The following CASKIN1 variants were observed in gnomAD, a reference collection of about 807,000 sequenced individuals.
The protein encoded by CASKIN1 is caskin-1.
Under a neutral mutation model 117.5 loss-of-function variants are expected in CASKIN1, and 42 were observed. The ratio of observed to expected loss-of-function variants is 0.36; its 90% CI spans 0.28 to 0.46. The LOEUF is 0.46. Among genes scored for constraint, CASKIN1 ranks in the 20% least tolerant of loss-of-function variants. CASKIN1 has a pLI of 1.00. For synonymous variants in CASKIN1, 1,148 were observed against 961.7 expected, an observed-to-expected ratio of 1.19 and a Z score of -3.59; for missense variants, 2,083 against 2,077.3, an observed-to-expected ratio of 1.00 and a Z score of -0.05.
rs1319409890 is a variant in CASKIN1 at position 2,185,030 on chromosome 16, C to T, written c.1245G>A (p.Leu415=). The change falls in exon 13 of 20, where the codon CTG becomes CTA. Residue 415 remains leucine (L), a synonymous_variant. Transcript: ENST00000343516. ...CGGACTTCTGGGAAAGCACCGTTGC[C>T]AGGAGCTGCAACCCAGAAACCCCGG... The part of the protein sequence containing the change: ...LHAGSEGVKL[L]ATVLSQKSVS... 6.2e-7 allele frequency: 1 copy of T among 1,608,770 alleles called. No homozygotes were observed. Among genetic ancestry groups the T allele is most frequent in the Non-Finnish European group, 8.5e-7 (1 of 1,176,602 alleles).
chr16:2,191,289 G>A (rs533475781), intron 1 of CASKIN1, among the ~76,000 whole-genome samples: 1 of 152,306 alleles, frequency 6.6e-6, no homozygotes, highest in Non-Finnish European at 1.5e-5. Flanking sequence ...AGGGCTGTCT[G>A]CAGGGCTTGC....
chr16:2,187,260 G>A lies in CASKIN1; in HGVS notation c.741C>T (p.Ala247=). ...TCTGGCTGTAGGTGTTCCTCACGTG[G>A]GCATTGATCCCGCTCTGCACATGTG... ...VRLLLDSGIN[A]HVRNTYSQTA... is the part of the protein sequence containing the mutation. Residue 247 remains alanine (A), a synonymous_variant, in exon 8 of 20, where the codon GCC becomes GCT. Transcript: ENST00000343516. The A allele has an allele frequency of 1.2e-6, 2 of 1,614,028 alleles. No individual in the cohort carries two copies. Among genetic ancestry groups the A allele is most frequent in the Non-Finnish European group, 1.7e-6 (2 of 1,179,980 alleles).
chr16:2,180,933 G>T lies in CASKIN1; in HGVS notation c.2435C>A (p.Pro812Gln). Residue 812 changes from proline (P) to glutamine (Q), a missense_variant, in exon 18 of 20, where the codon CCG (proline) becomes CAG (glutamine). Physicochemically the swap from Pro to Gln is moderately conservative, Grantham distance 76. This residue lies in a region of CASKIN1 where 1,818 missense variants were observed against 1,688.9 expected (regional missense o/e 1.08). Transcript: ENST00000343516. ...GGGTGACATGGGGCGCTCTGTCGGC[G>T]GCAGCAGCTGCGGGGTGGGCTTCAC... Reference protein sequence around the residue: ...AKVKPTPQLLPPTERPMSPRS... With the variant: ...AKVKPTPQLLQPTERPMSPRS... 6.8e-7 allele frequency: 1 copy of T among 1,461,384 alleles called. No homozygotes were observed. Among genetic ancestry groups the T allele is most frequent in the Non-Finnish European group, 9.0e-7 (1 of 1,112,542 alleles). The allele number at this position is 1,461,384 out of a possible 1,614,324, so 90.5% of individuals were successfully genotyped here.
chr16:2,186,597 G>A (rs1161926705), intron 10 of CASKIN1, 110 bp downstream of exon 10: 1 of 892,920 alleles, frequency 1.1e-6, no homozygotes, highest in Admixed American at 2.3e-5. Flanking sequence ...CCCCACGCTG[G>A]CACCCAGAAA....
At chr16:2,195,381 G>A (rs2093212723) in intron 1 of CASKIN1, among the ~76,000 whole-genome samples, 1 of 152,174 alleles carries the variant, frequency 6.6e-6, no homozygotes, top group Admixed American at 6.5e-5. Flanking sequence ...AGGGAGGAGG[G>A]AGGACGCCCA....
chr16:2,190,294 G>C lies in CASKIN1; in HGVS notation c.146+13C>G. The stretch of plus-strand genomic sequence containing the variant: ...CTCCCTTCCAGGCAGGCACCACCCG[G>C]CTCAGAACTCACCCATCCGGGTCCT... On this transcript the variant is annotated intron_variant, in intron 2 of 19. Coordinates refer to ENST00000343516, the MANE Select transcript of CASKIN1 (RefSeq NM_020764.4). The C allele has an allele frequency of 6.3e-7, 1 of 1,576,444 alleles. No individual in the cohort carries two copies. The highest frequency in any genetic ancestry group is 1.8e-5 in the Admixed American group (1 of 54,276).
rs375418573 is a variant in CASKIN1, at chr16:2,190,152, A to G, written c.165T>C (p.His55=). ...ATTCCGTGTTGCCGTTCAGGGCCGCATGGTGCAGAGCCGAGAAGCTGGCAC... is the reference window on the plus strand; with the variant it reads ...ATTCCGTGTTGCCGTTCAGGGCCGCGTGGTGCAGAGCCGAGAAGCTGGCAC... ...QDPDGFSALH[H]AALNGNTELI... Residue 55 remains histidine (H), a synonymous_variant, in exon 3 of 20, where the codon CAT becomes CAC. Coordinates refer to ENST00000343516, the MANE Select transcript of CASKIN1 (RefSeq NM_020764.4). The G allele has an allele frequency of 9.3e-6, 15 of 1,612,922 alleles. No individual in the cohort carries two copies. Among genetic ancestry groups the G allele is most frequent in the African/African-American group, 6.7e-5 (5 of 74,926 alleles).
chr16:2,183,009 G>C (rs764487922), intron 16 of CASKIN1, among the ~76,000 whole-genome samples: 6 of 152,200 alleles, frequency 3.9e-5, no homozygotes, highest in Non-Finnish European at 7.3e-5. Context: ...GGATGGTCTC[G>C]ATCTCTTGAC....
intron 1 of CASKIN1, 52 bp from the exon 2 acceptor site, chr16:2,190,410 C>A (rs553061743): frequency 2.6e-6 from 4 of 1,525,498 alleles, no homozygotes; most frequent in Non-Finnish European, 3.6e-6. Context: ...CCCCTCCAGG[C>A]GGCCTGAGGG....
At position 2,182,057 on chromosome 16, in the gene CASKIN1, G is replaced by A. The variant is rs1267131550; in HGVS notation, c.1630-128C>T. ...GACAGACAGGAGGACAAACGGATAG[G>A]CCGAGGTATTGGCACCAGAAATGTA... On this transcript the variant is annotated intron_variant, in intron 16 of 19. Transcript: ENST00000343516. The surrounding 1 kb of genome is among the most constrained non-coding windows in gnomAD (Gnocchi z 4.1). 15 of 1,331,716 alleles carry A rather than the reference G, an allele frequency of 1.1e-5. No homozygotes were observed. Among genetic ancestry groups the A allele is most frequent in the Admixed American group, 2.0e-5 (1 of 50,156 alleles). 82.5% of individuals were successfully genotyped at this position (1,331,716 alleles called of 1,614,324 possible).
chr16:2,187,517 C>G, intron 6 of CASKIN1, 56 bp from the exon 7 acceptor site: 1 of 1,436,014 alleles, frequency 7.0e-7, no homozygotes, highest in Non-Finnish European at 9.6e-7. Flanking sequence ...CCGGCCCCAG[C>G]ACCCCCAAGC....
rs1203285062 is a variant in CASKIN1 at position 2,181,769 on chromosome 16, A to G, written c.1768+22T>C. On this transcript the variant is annotated intron_variant, in intron 17 of 19. Transcript: ENST00000343516. ...TGGGCTGAGGGTTGGGCTGGGGACGAGGGCTGGGGCTGGGGCCTCACCCAG... is the reference window on the plus strand; with the variant it reads ...TGGGCTGAGGGTTGGGCTGGGGACGGGGGCTGGGGCTGGGGCCTCACCCAG... 5 of 1,602,132 alleles carry G rather than the reference A, an allele frequency of 3.1e-6. No individual in the cohort carries two copies. The South Asian group carries it at 3.3e-5, about 11-fold the overall frequency.
chr16:2,186,981 G>A lies in CASKIN1; in HGVS notation c.927C>T (p.Ile309=). ...TGGCCCCTGGGGCCATGCTTACTGT[G>A]ATGATGTCCCCTGCCTTCACGTTGA... ...TSLNVKAGDI[I]TVLEQHPDGR... Residue 309 remains isoleucine (I), a synonymous_variant, in exon 9 of 20, where the codon ATC becomes ATT. Coordinates refer to ENST00000343516, the MANE Select transcript of CASKIN1 (RefSeq NM_020764.4). The A allele has an allele frequency of 6.2e-7, 1 of 1,613,480 alleles. No homozygotes were observed. Among genetic ancestry groups the A allele is most frequent in the Non-Finnish European group, 8.5e-7 (1 of 1,179,792 alleles).
At chr16:2,181,996 C>T (rs1319348119) in intron 16 of CASKIN1, 67 bp from the exon 17 acceptor site, 1 of 1,598,334 alleles carries the variant, frequency 6.3e-7, no homozygotes, top group Non-Finnish European at 8.6e-7. Context: ...CTACCTGGAG[C>T]TGGAGGAGGA....
chr16:2,181,505 CTTCCGGCGCAG>C lies in CASKIN1; in HGVS notation c.1852_1862del (p.Leu618GlyfsTer6). Reference sequence around the variant, plus strand: ...CCATCACTTCAAGAGACTGGGGCGCCTTCCGGCGCAGGGGGCCCCCCTCATACTTGGCGTAT... The same window carrying C: ...CCATCACTTCAAGAGACTGGGGCGCCGGGGCCCCCCTCATACTTGGCGTAT... On this transcript the variant is annotated frameshift_variant, in exon 18 of 20. Coordinates refer to ENST00000343516, the MANE Select transcript of CASKIN1 (RefSeq NM_020764.4). LOFTEE classifies it high-confidence loss of function. 1 of 1,610,196 alleles carries C rather than the reference CTTCCGGCGCAG, an allele frequency of 6.2e-7. No individual in the cohort carries two copies. The highest frequency in any genetic ancestry group is 8.5e-7 in the Non-Finnish European group (1 of 1,179,406).
At chr16:2,185,543 C>A (rs766562711) in intron 10 of CASKIN1, 135 bp from the exon 11 acceptor site, 9 of 730,686 alleles carry the variant, frequency 1.2e-5, no homozygotes, top group Admixed American at 3.1e-5. Context: ...GAGCTGATAG[C>A]CCCTCGGAAG....
rs1289794461 is a variant in CASKIN1 at position 2,189,666 on chromosome 16, T to TG, written c.245-103dup. The TG allele has an allele frequency of 8.5e-6, 10 of 1,180,400 alleles. No individual in the cohort carries two copies. In the Admixed American group the frequency reaches 1.3e-4, roughly 15 times the overall value. The allele number at this position is 1,180,400 out of a possible 1,614,324, so 73.1% of individuals were successfully genotyped here. A position where few individuals can be genotyped will look rare whatever the true frequency, so the allele number is the denominator to read the frequency against. ...TGACCCCTGACCCCAAGTCCAACCC[T>TG]GGGGGGTGGGAGGGCGCTAGGAGCT... On this transcript the variant is annotated intron_variant, in intron 3 of 19. Transcript: ENST00000343516.
intron 1 of CASKIN1, among the ~76,000 whole-genome samples, chr16:2,192,029 C>T (rs550778643): frequency 2.0e-5 from 3 of 152,360 alleles, no homozygotes; most frequent in South Asian, 2.1e-4. Context: ...CCGTGGCTCA[C>T]GCCTGTAACC....
At chr16:2,178,837 T>TGCCGAGCCCCGCCCATCTCG (rs2093155280) in intron 19 of CASKIN1, 65 bp downstream of exon 19, 1 of 1,293,840 alleles carries the variant, frequency 7.7e-7, no homozygotes, top group Admixed American at 3.8e-5. Context: ...CGCCCATCTC[T>TGCCGAGCCCCGCCCATCTCG]GCCGAGCCCC....
Sources: allele counts gnomAD v4.1 joint callset (sites outside exome capture counted in the v4.1 genomes callset), GRCh38; gene constraint gnomAD v4.1.1; regional missense constraint gnomAD v4.1.1; non-coding constraint Gnocchi (gnomAD v3.1); transcripts MANE v1.5; gene names NCBI Gene and HGNC (gene_info 2026-07-23, HGNC 2026-07-21).